Variants in NFIX observed in about 807,000 individuals in gnomAD.
NFIX encodes the protein nuclear factor 1 X-type.
Under a neutral mutation model 53.3 loss-of-function variants are expected in NFIX, and 2 were observed. That is an observed-to-expected ratio of 0.04 (90% CI 0.02 to 0.12). The LOEUF (loss-of-function observed/expected upper bound fraction) is 0.12. NFIX is among the 10% of genes least tolerant of loss of function. NFIX has a pLI of 1.00. For synonymous variants in NFIX, 244 were observed against 289.0 expected, an observed-to-expected ratio of 0.84 and a Z score of 1.58; for missense variants, 310 against 674.5, an observed-to-expected ratio of 0.46 and a Z score of 5.99.
intron 8 of NFIX, among the ~76,000 whole-genome samples, chr19:13,083,988 C>G (rs1404702026): frequency 6.6e-6 from 1 of 152,260 alleles, no homozygotes; most frequent in Non-Finnish European, 1.5e-5. Context: ...GGCTAACACA[C>G]AGATGGCTGT....
Position 13,059,767 on chromosome 19 carries a change from A to G in NFIX, c.560-13280A>G, listed in dbSNP as rs1357274124. Among the ~76,000 whole-genome samples the G allele has an allele frequency of 2.9e-5, 4 of 136,092 alleles. No homozygotes were observed. The East Asian group carries it at 8.5e-4, about 29-fold the overall frequency. 89.3% of individuals were successfully genotyped at this position (136,092 alleles called of 152,430 possible). A position where few individuals can be genotyped will look rare whatever the true frequency, so the allele number is the denominator to read the frequency against. On this transcript the variant is annotated intron_variant, in intron 2 of 10. Coordinates refer to ENST00000592199, the MANE Select transcript of NFIX (RefSeq NM_001365902.3). Reference sequence around the variant, plus strand: ...TTTTTTTTTTTTTCTAATTTGATTTAATTAGAATTCTTTTTTTTTTTTTTT... The same window carrying G: ...TTTTTTTTTTTTTCTAATTTGATTTGATTAGAATTCTTTTTTTTTTTTTTT...
chr19:13,005,350 C>A lies in NFIX; in HGVS notation c.27+9486C>A, dbSNP rs1403306798. Among the ~76,000 whole-genome samples the A allele has an allele frequency of 1.3e-5, 2 of 152,256 alleles. No individual in the cohort carries two copies. Among genetic ancestry groups the A allele is most frequent in the Admixed American group, 1.3e-4 (2 of 15,286 alleles). ...GCTAAGTGCCTTCCCAGCTTGTCTT[C>A]TTGAATCCTGTGTTCAGCAGGTACT... On this transcript the variant is annotated intron_variant, in intron 1 of 10. Transcript: ENST00000592199. This position sits in a 1 kb window ranked among gnomAD's most constrained non-coding sequence, Gnocchi z 4.7.
At chr19:13,047,188 A>G (rs1315800507) in intron 2 of NFIX, among the ~76,000 whole-genome samples, 2 of 150,902 alleles carry the variant, frequency 1.3e-5, no homozygotes, top group African/African-American at 4.9e-5. Context: ...CTCCCTGGAG[A>G]CAGGTTCCTC....
Position 12,998,634 on chromosome 19 carries a change from GAC to G in NFIX, c.27+2774_27+2775del. Among the ~76,000 whole-genome samples, 1 of 152,202 alleles carries G rather than the reference GAC, an allele frequency of 6.6e-6. No individual in the cohort carries two copies. Among genetic ancestry groups the G allele is most frequent in the Non-Finnish European group, 1.5e-5 (1 of 68,008 alleles). On this transcript the variant is annotated intron_variant, in intron 1 of 10. Coordinates refer to ENST00000592199, the MANE Select transcript of NFIX (RefSeq NM_001365902.3). This position sits in a 1 kb window ranked among gnomAD's most constrained non-coding sequence, Gnocchi z 4.4. ...CATCCCAACCCTGCCAAGAAACAGA[GAC>G]ACAACCAGGATGTGAACTCACGTAC...
At chr19:13,039,636 G>A (rs1416503091) in intron 2 of NFIX, among the ~76,000 whole-genome samples, 1 of 152,202 alleles carries the variant, frequency 6.6e-6, no homozygotes, top group Non-Finnish European at 1.5e-5. Context: ...GCAGAGGGGA[G>A]CAATCTGCTG....
At position 13,009,536 on chromosome 19, in the gene NFIX, G is replaced by A. The variant is rs1599713654; in HGVS notation, c.27+13672G>A. Among the ~76,000 whole-genome samples, 1 of 152,184 alleles carries A rather than the reference G, an allele frequency of 6.6e-6. No individual in the cohort carries two copies. Among genetic ancestry groups the A allele is most frequent in the African/African-American group, 2.4e-5 (1 of 41,450 alleles). On this transcript the variant is annotated intron_variant, in intron 1 of 10. Coordinates refer to ENST00000592199, the MANE Select transcript of NFIX (RefSeq NM_001365902.3). This position sits in a 1 kb window ranked among gnomAD's most constrained non-coding sequence, Gnocchi z 4.7. ...TTCATCCCCCTTCTGGCCACCTGAG[G>A]CTCCTCCTTCTGGCCTTCCCATGGG...
At chr19:13,076,135 G>A (rs1277514204) in intron 6 of NFIX, among the ~76,000 whole-genome samples, 2 of 152,008 alleles carry the variant, frequency 1.3e-5, no homozygotes, top group East Asian at 3.9e-4. Flanking sequence ...CCCACCCCCA[G>A]TTTTGATGAC....
chr19:13,007,687 G>A (rs1049962823), intron 1 of NFIX, among the ~76,000 whole-genome samples: 3 of 152,130 alleles, frequency 2.0e-5, no homozygotes, highest in African/African-American at 7.2e-5. Flanking sequence ...GACTTCGGAG[G>A]AACCGGTTTA....
In NFIX at chr19:13,005,830, G is replaced by A. The variant is rs559355355; in HGVS notation, c.27+9966G>A. Among the ~76,000 whole-genome samples, 178 of 152,234 alleles carry A rather than the reference G, an allele frequency of 1.2e-3. 3 individuals carry two copies. The Middle Eastern group carries it at 0.02, about 17-fold the overall frequency. The stretch of plus-strand genomic sequence containing the variant: ...GACCTTTGGATCTTCTTCCATCCAA[G>A]GCTCAGAATAAAGGTGGATGGTGGT... On this transcript the variant is annotated intron_variant, in intron 1 of 10. Transcript: ENST00000592199. This position sits in a 1 kb window ranked among gnomAD's most constrained non-coding sequence, Gnocchi z 4.7.
In NFIX at chr19:13,089,881, A is replaced by G. The variant is rs766715471; in HGVS notation, c.1403-418A>G. Among the ~76,000 whole-genome samples, 2 of 152,142 alleles carry G rather than the reference A, an allele frequency of 1.3e-5. No individual in the cohort carries two copies. Among genetic ancestry groups the G allele is most frequent in the Non-Finnish European group, 2.9e-5 (2 of 67,978 alleles). On this transcript the variant is annotated intron_variant, in intron 9 of 10. Transcript: ENST00000592199. This position sits in a 1 kb window ranked among gnomAD's most constrained non-coding sequence, Gnocchi z 4.8. Reference sequence around the variant, plus strand: ...ACCTGAGAGGGGCCAGTGGGAAAGCAGGGTTATCCACTGAGGGTACCTGGG... The same window carrying G: ...ACCTGAGAGGGGCCAGTGGGAAAGCGGGGTTATCCACTGAGGGTACCTGGG...
intron 1 of NFIX, among the ~76,000 whole-genome samples, chr19:12,999,571 A>G (rs1041829983): frequency 4.6e-5 from 7 of 152,196 alleles, no homozygotes; most frequent in Non-Finnish European, 5.9e-5. Flanking sequence ...AAAGGCAAAC[A>G]TGCCGACATT....
At position 13,068,180 on chromosome 19, in the gene NFIX, C is replaced by G. The variant is rs984582545; in HGVS notation, c.560-4867C>G. 3.3e-5 allele frequency among the ~76,000 whole-genome samples: 5 copies of G among 152,116 alleles called. No individual in the cohort carries two copies. The highest frequency in any genetic ancestry group is 1.2e-4 in the African/African-American group (5 of 41,406). ...AGTTTATGTGCAATCCCAGGCTCCT[C>G]CTGGCTGCTGGAGCTTCCCCTCCAG... On this transcript the variant is annotated intron_variant, in intron 2 of 10. Coordinates refer to ENST00000592199, the MANE Select transcript of NFIX (RefSeq NM_001365902.3). This position sits in a 1 kb window ranked among gnomAD's most constrained non-coding sequence, Gnocchi z 4.2.
rs1195287160 is a variant in NFIX, at chr19:13,072,803, A to G, written c.560-244A>G. Among the ~76,000 whole-genome samples, 6 of 152,138 alleles carry G rather than the reference A, an allele frequency of 3.9e-5. No individual in the cohort carries two copies. The highest frequency in any genetic ancestry group is 3.9e-4 in the Admixed American group (6 of 15,282). ...GCACAGGATGGTCCCCACCAGAGAGAGCAATCCAGGCCAAATGTCAGCAGT... is the reference window on the plus strand; with the variant it reads ...GCACAGGATGGTCCCCACCAGAGAGGGCAATCCAGGCCAAATGTCAGCAGT... On this transcript the variant is annotated intron_variant, in intron 2 of 10. Coordinates refer to ENST00000592199, the MANE Select transcript of NFIX (RefSeq NM_001365902.3). The surrounding 1 kb of genome is among the most constrained non-coding windows in gnomAD (Gnocchi z 4.0).
chr19:13,016,006 A>T (rs2012647204), intron 1 of NFIX, among the ~76,000 whole-genome samples: 1 of 152,224 alleles, frequency 6.6e-6, no homozygotes, highest in Non-Finnish European at 1.5e-5. Flanking sequence ...TAGCTTAAAA[A>T]TTTAAGGCTT....
chr19:13,092,802 G>A lies in NFIX; in HGVS notation c.1495-1833G>A, dbSNP rs945335913. 9.2e-5 allele frequency among the ~76,000 whole-genome samples: 14 copies of A among 152,228 alleles called. 1 individual carries two copies. The highest frequency in any genetic ancestry group is 1.8e-4 in the Non-Finnish European group (12 of 68,032). ...GAAGCCCAGGAGCTGGCTGCGGGCC[G>A]GTTCTCCCCCACCCACTCTGGGGAT... On this transcript the variant is annotated intron_variant, in intron 10 of 10. Transcript: ENST00000592199.
At position 13,094,630 on chromosome 19, in the gene NFIX, T is replaced by C; in HGVS notation, c.1495-5T>C. The C allele has an allele frequency of 6.5e-7, 1 of 1,536,156 alleles. No homozygotes were observed. Among genetic ancestry groups the C allele is most frequent in the South Asian group, 1.2e-5 (1 of 84,046 alleles). On this transcript the variant is annotated splice_region_variant and splice_polypyrimidine_tract_variant and intron_variant, in intron 10 of 10. Transcript: ENST00000592199. The surrounding 1 kb of genome is among the most constrained non-coding windows in gnomAD (Gnocchi z 4.3). ...CAGTATCGCCTCTTTTTCATCCTGT[T>C]TCAGTCCTGGTTCCTCTGATAAGAT... is the stretch of plus-strand genomic sequence containing the variant.
In NFIX at chr19:13,014,466, C is replaced by T. The variant is rs1005306765; in HGVS notation, c.28-10555C>T. On this transcript the variant is annotated intron_variant, in intron 1 of 10. Coordinates refer to ENST00000592199, the MANE Select transcript of NFIX (RefSeq NM_001365902.3). The surrounding 1 kb of genome is among the most constrained non-coding windows in gnomAD (Gnocchi z 4.4). ...CGGCGGGCTGGTGGGAGAGTCAAAC[C>T]CGGGTGTGGGGAAGCAGCTTCGCTG... 4 of 152,256 alleles carry T rather than the reference C, an allele frequency of 2.6e-5. No individual in the cohort carries two copies. The highest frequency in any genetic ancestry group is 4.4e-5 in the Non-Finnish European group (3 of 68,052). The allele number at this position is 152,256 out of a possible 1,614,324, so 9.4% of individuals were successfully genotyped here. A position where few individuals can be genotyped will look rare whatever the true frequency, so the allele number is the denominator to read the frequency against.
chr19:13,012,708 ATGATTGCTG>A lies in NFIX; in HGVS notation c.28-12307_28-12299del, dbSNP rs2012429259. On this transcript the variant is annotated intron_variant, in intron 1 of 10. Transcript: ENST00000592199. The surrounding 1 kb of genome is among the most constrained non-coding windows in gnomAD (Gnocchi z 5.0). ...GGCTTTGGCCGTGAATGCGATGTTG[ATGATTGCTG>A]TGATTCTTTGGGTGCTTGGGAGAGT... is the stretch of plus-strand genomic sequence containing the variant. Among the ~76,000 whole-genome samples, 1 of 152,094 alleles carries A rather than the reference ATGATTGCTG, an allele frequency of 6.6e-6. No homozygotes were observed. The highest frequency in any genetic ancestry group is 1.5e-5 in the Non-Finnish European group (1 of 68,014).
chr19:13,017,015 G>A (rs968402259), intron 1 of NFIX, among the ~76,000 whole-genome samples: 1 of 152,144 alleles, frequency 6.6e-6, no homozygotes, highest in African/African-American at 2.4e-5. Context: ...GAGCGAGGGC[G>A]CCTCTTTTCT....
Sources: gnomAD v4.1 joint callset for allele counts (sites outside exome capture counted in the v4.1 genomes callset) on GRCh38, gnomAD v4.1.1 for gene constraint, Gnocchi (gnomAD v3.1) non-coding constraint, MANE v1.5 for transcripts, NCBI Gene and HGNC (gene_info 2026-07-23, HGNC 2026-07-21) for gene names.